Variants in NAALADL2 observed in about 807,000 individuals in gnomAD.
NAALADL2 encodes inactive N-acetylated-alpha-linked acidic dipeptidase-like protein 2.
NAALADL2 carries 76 observed loss-of-function variants against 87.2 expected under a neutral mutation model. That is an observed-to-expected ratio of 0.87 (90% CI 0.72 to 1.05). The LOEUF (loss-of-function observed/expected upper bound fraction) is 1.05. NAALADL2 is among the 50% of genes least tolerant of loss of function. The probability of loss-of-function intolerance (pLI) is 0.00; values close to 1 mark genes in which losing one functional copy is unlikely to be tolerated. For missense variants in NAALADL2, 1,089 were observed against 945.8 expected (o/e 1.15, Z -1.99); for synonymous variants, 354 against 331.0 (o/e 1.07, Z -0.75).
chr3:175,284,599 T>A (rs1754757508), intron 4 of NAALADL2, among the ~76,000 whole-genome samples: 1 of 152,110 alleles, frequency 6.6e-6, no homozygotes, highest in African/African-American at 2.4e-5. Flanking sequence ...AGAATTCACA[T>A]TCATTTGGCA....
chr3:175,431,285 T>C (rs1482567796), intron 5 of NAALADL2, among the ~76,000 whole-genome samples: 1 of 152,066 alleles, frequency 6.6e-6, no homozygotes, highest in Non-Finnish European at 1.5e-5. Context: ...TTTTCTTTCC[T>C]CATGGGAACC....
chr3:175,234,256 A>G, intron 3 of NAALADL2, 52 bp downstream of exon 3: 1 of 1,553,170 alleles, frequency 6.4e-7, no homozygotes, highest in Non-Finnish European at 8.8e-7. Context: ...ATTAGAAAAT[A>G]ACAGCTTTCA....
chr3:175,288,076 C>T (rs550876725), intron 4 of NAALADL2, among the ~76,000 whole-genome samples: 1 of 152,136 alleles, frequency 6.6e-6, no homozygotes, highest in Non-Finnish European at 1.5e-5. Flanking sequence ...TCAGACATGT[C>T]TACATGTTTT....
At chr3:175,070,573 G>T (rs1422761027) in intron 1 of NAALADL2, among the ~76,000 whole-genome samples, 1 of 152,044 alleles carries the variant, frequency 6.6e-6, no homozygotes, top group Non-Finnish European at 1.5e-5. Flanking sequence ...AGCACATTCT[G>T]TTTGCCTAAG....
chr3:174,726,668 C>T (rs1164713677), intron 2 of NAALADL2, among the ~76,000 whole-genome samples: 1 of 151,832 alleles, frequency 6.6e-6, no homozygotes, highest in Non-Finnish European at 1.5e-5. Context: ...ACACCGTTGT[C>T]TTATTCCTTC....
At chr3:175,377,741 G>C (rs1198815528) in intron 5 of NAALADL2, among the ~76,000 whole-genome samples, 1 of 152,172 alleles carries the variant, frequency 6.6e-6, no homozygotes, top group Non-Finnish European at 1.5e-5. Context: ...TCAGCTGACA[G>C]ACAAGGAGCA....
At chr3:175,322,007 C>T (rs2110406839) in intron 4 of NAALADL2, among the ~76,000 whole-genome samples, 1 of 151,950 alleles carries the variant, frequency 6.6e-6, no homozygotes, top group South Asian at 2.1e-4. Flanking sequence ...CTTATGGAAC[C>T]AAAAAAGAGC....
chr3:175,296,128 T>G (rs986841409), intron 4 of NAALADL2, among the ~76,000 whole-genome samples: 6 of 152,240 alleles, frequency 3.9e-5, no homozygotes, highest in African/African-American at 1.4e-4. Context: ...AGTCCATAAC[T>G]AACTTCTCTG....
chr3:175,183,167 T>C (rs544317663), intron 2 of NAALADL2, among the ~76,000 whole-genome samples: 1 of 152,074 alleles, frequency 6.6e-6, no homozygotes, highest in Non-Finnish European at 1.5e-5. Flanking sequence ...TCTTCCAATA[T>C]GTTTTCTTCA....
At chr3:175,299,278 A>G (rs955002185) in intron 4 of NAALADL2, among the ~76,000 whole-genome samples, 37 of 151,970 alleles carry the variant, frequency 2.4e-4, no homozygotes, top group Admixed American at 2.2e-3. Flanking sequence ...CATATGAAAT[A>G]TAAAGTAGTT....
chr3:174,815,147 A>C (rs952963490), intron 3 of NAALADL2, among the ~76,000 whole-genome samples: 6 of 151,430 alleles, frequency 4.0e-5, no homozygotes, highest in Non-Finnish European at 7.3e-5. Flanking sequence ...GTAAGTGGTC[A>C]TTTGTTTAGC....
At chr3:174,897,927 A>C (rs1175738619) in intron 1 of NAALADL2, among the ~76,000 whole-genome samples, 5 of 138,088 alleles carry the variant, frequency 3.6e-5, no homozygotes, top group Non-Finnish European at 7.4e-5. Context: ...TCCCGGCTAA[A>C]ACGGTGAAAC....
Position 175,541,544 on chromosome 3 carries a change from T to C in NAALADL2, c.1654-34497T>C, listed in dbSNP as rs148159884. Among the ~76,000 whole-genome samples the C allele has an allele frequency of 4.0e-4, 61 of 152,338 alleles. 1 individual carries two copies. The highest frequency in any genetic ancestry group is 1.1e-3 in the African/African-American group (45 of 41,580). On this transcript the variant is annotated intron_variant, in intron 9 of 13. Transcript: ENST00000454872. ...AAAATATCTGTATGGTTACTCAAAG[T>C]ACAGTTTCTACTGAATTCATATCAC...
In NAALADL2 at chr3:175,701,539, G is replaced by A. The variant is rs549035755; in HGVS notation, c.1897-35767G>A. On this transcript the variant is annotated intron_variant, in intron 11 of 13. Coordinates refer to ENST00000454872, the MANE Select transcript of NAALADL2 (RefSeq NM_207015.3). ...TTTACCAAAAAATGGCATGCCTTCC[G>A]TTAATTATCGCACTTGTGGGCACAG... is the stretch of plus-strand genomic sequence containing the variant. 7.9e-5 allele frequency among the ~76,000 whole-genome samples: 12 copies of A among 152,152 alleles called. No homozygotes were observed. In the East Asian group the frequency reaches 9.7e-4, roughly 12 times the overall value.
At chr3:175,054,501 A>G (rs1580213388) in intron 1 of NAALADL2, among the ~76,000 whole-genome samples, 1 of 152,182 alleles carries the variant, frequency 6.6e-6, no homozygotes, top group East Asian at 1.9e-4. Flanking sequence ...ATTTTTTCTT[A>G]ATTTCGAAAA....
intron 2 of NAALADL2, among the ~76,000 whole-genome samples, chr3:174,611,589 T>C (rs1410215433): frequency 1.3e-5 from 2 of 152,086 alleles, no homozygotes; most frequent in African/African-American, 2.4e-5. Context: ...TATTTCTTTT[T>C]TGTTTTCTTT....
chr3:175,214,962 A>G lies in NAALADL2; in HGVS notation c.546-18969A>G, dbSNP rs544761775. On this transcript the variant is annotated intron_variant, in intron 2 of 13. Coordinates refer to ENST00000454872, the MANE Select transcript of NAALADL2 (RefSeq NM_207015.3). ...GTATTTTTGTCAATTAATGGGGTTT[A>G]CTAATTCACTACATGTTTATGGTAC... Among the ~76,000 whole-genome samples, 30 of 152,276 alleles carry G rather than the reference A, an allele frequency of 2.0e-4. 2 individuals carry two copies. In the South Asian group the frequency reaches 6.2e-3, roughly 32 times the overall value.
intron 1 of NAALADL2, among the ~76,000 whole-genome samples, chr3:174,945,021 A>G (rs1027243775): frequency 6.6e-6 from 1 of 151,994 alleles, no homozygotes; most frequent in Admixed American, 6.6e-5. Flanking sequence ...GAGGCAGCAC[A>G]CTAGCTGCTT....
chr3:175,249,118 G>A (rs1459086290), intron 3 of NAALADL2, among the ~76,000 whole-genome samples: 1 of 151,886 alleles, frequency 6.6e-6, no homozygotes, highest in Non-Finnish European at 1.5e-5. Context: ...TATTTTTTGT[G>A]TGCGTATATG....
Sources: gnomAD v4.1 joint callset for allele counts (sites outside exome capture counted in the v4.1 genomes callset) on GRCh38, gnomAD v4.1.1 for gene constraint, MANE v1.5 for transcripts, NCBI Gene and HGNC (gene_info 2026-07-23, HGNC 2026-07-21) for gene names.